Variants in TTC6 observed in about 807,000 individuals in gnomAD.
The protein encoded by TTC6 is tetratricopeptide repeat domain 6, also known as tetratricopeptide repeat protein 6.
Under a neutral mutation model 210.4 loss-of-function variants are expected in TTC6, and 172 were observed. That is an observed-to-expected ratio of 0.82 (90% CI 0.72 to 0.93). TTC6 has a LOEUF of 0.93. Among genes scored for constraint, TTC6 ranks in the 40% least tolerant of loss-of-function variants. The probability of loss-of-function intolerance (pLI) is 0.00; values close to 1 mark genes in which losing one functional copy is unlikely to be tolerated. For missense variants in TTC6, 2,414 were observed against 2,318.1 expected, an observed-to-expected ratio of 1.04 and a Z score of -0.85; for synonymous variants, 804 against 819.6, an observed-to-expected ratio of 0.98 and a Z score of 0.32.
chr14:37,836,148 C>T (rs1334801710), intron 29 of TTC6, among the ~76,000 whole-genome samples: 2 of 152,200 alleles, frequency 1.3e-5, no homozygotes, highest in Non-Finnish European at 2.9e-5. Flanking sequence ...TCTCTCAATT[C>T]GAGTTGTCAT....
chr14:37,708,822 G>A (rs908142579), intron 5 of TTC6, among the ~76,000 whole-genome samples: 1 of 152,042 alleles, frequency 6.6e-6, no homozygotes, highest in African/African-American at 2.4e-5. Context: ...TGAAAATCCT[G>A]TTTTGATTCT....
At chr14:37,842,372 T>A (rs2096212188) in exon 31 of TTC6, 2 of 1,281,560 alleles carry the variant, frequency 1.6e-6, no homozygotes, top group African/African-American at 3.0e-5. Context: ...TAAAAGGTTC[T>A]ACCATTTTCA....
At chr14:37,763,105 G>A (rs1207560202) in intron 14 of TTC6, among the ~76,000 whole-genome samples, 1 of 151,490 alleles carries the variant, frequency 6.6e-6, no homozygotes, top group East Asian at 1.9e-4. Flanking sequence ...AGCCAGGATG[G>A]TCTCAATCTC....
intron 14 of TTC6, among the ~76,000 whole-genome samples, chr14:37,756,813 T>G (rs1391820466): frequency 1.3e-5 from 2 of 152,192 alleles, no homozygotes; most frequent in Non-Finnish European, 2.9e-5. Flanking sequence ...ATTTTCTTTT[T>G]TTTTGTTGTG....
intron 6 of TTC6, 67 bp downstream of exon 8, chr14:37,714,863 G>T (rs1262245781): frequency 7.0e-7 from 1 of 1,438,104 alleles, no homozygotes; most frequent in South Asian, 1.3e-5. Flanking sequence ...GGCTTCAGGA[G>T]ACTTTTTTCA....
intron 2 of TTC6, among the ~76,000 whole-genome samples, chr14:37,609,729 A>G (rs1291474019): frequency 1.3e-5 from 2 of 152,230 alleles, no homozygotes; most frequent in East Asian, 3.8e-4. Flanking sequence ...CAGTTTAGGA[A>G]CATGGCATGT....
chr14:37,730,445 C>G (rs1254909907), intron 7 of TTC6, among the ~76,000 whole-genome samples: 1 of 152,126 alleles, frequency 6.6e-6, no homozygotes, highest in Admixed American at 6.6e-5. Context: ...TCACTTTACT[C>G]CCATCTGCCA....
intron 1 of TTC6, 48 bp downstream of exon 3, chr14:37,623,051 G>C (rs72674261): frequency 7.4e-7 from 1 of 1,344,050 alleles, no homozygotes; most frequent in Non-Finnish European, 9.8e-7. Flanking sequence ...TGCAATTTGG[G>C]TTACATTACA....
At chr14:37,838,331 A>G (rs187500799) in intron 29 of TTC6, among the ~76,000 whole-genome samples, 1 of 152,180 alleles carries the variant, frequency 6.6e-6, no homozygotes, top group Non-Finnish European at 1.5e-5. Context: ...AAGTGCTGGG[A>G]TGTCATAGCC....
At chr14:37,732,375 G>A (rs1371751771) in intron 7 of TTC6, among the ~76,000 whole-genome samples, 1 of 151,030 alleles carries the variant, frequency 6.6e-6, no homozygotes, top group Non-Finnish European at 1.5e-5. Flanking sequence ...AGTACAGATG[G>A]GGTTTCACCG....
At chr14:37,644,609 G>A (rs2095698272) in intron 1 of TTC6, among the ~76,000 whole-genome samples, 3 of 152,176 alleles carry the variant, frequency 2.0e-5, no homozygotes, top group Admixed American at 2.0e-4. Context: ...AAGAAATAAC[G>A]AGGTAGTTTC....
At chr14:37,827,285 T>G (rs546518744) in exon 29 of TTC6, 1 of 1,612,586 alleles carries the variant, frequency 6.2e-7, no homozygotes, top group South Asian at 1.1e-5. Context: ...ACTACCAAGA[T>G]GCAATTACTC....
chr14:37,730,006 G>A (rs549418717), intron 7 of TTC6, among the ~76,000 whole-genome samples: 3 of 152,182 alleles, frequency 2.0e-5, no homozygotes, highest in East Asian at 3.9e-4. Flanking sequence ...CAGTACTGGT[G>A]GTTGTCCACT....
At chr14:37,632,780 G>A (rs764631912) in intron 1 of TTC6, among the ~76,000 whole-genome samples, 4 of 152,218 alleles carry the variant, frequency 2.6e-5, no homozygotes, top group Non-Finnish European at 5.9e-5. Flanking sequence ...TAAGCCATGA[G>A]TGGGGCTCCT....
intron 27 of TTC6, among the ~76,000 whole-genome samples, chr14:37,825,407 G>T (rs2096168489): frequency 6.6e-6 from 1 of 152,044 alleles, no homozygotes; most frequent in Non-Finnish European, 1.5e-5. Context: ...TTTTATATGA[G>T]AGTCCCTAGG....
chr14:37,690,110 C>CTT (rs1401643669), intron 3 of TTC6, among the ~76,000 whole-genome samples: 3 of 151,804 alleles, frequency 2.0e-5, no homozygotes, highest in African/African-American at 7.3e-5. Flanking sequence ...TTCTTTTCTG[C>CTT]TTGCTTGTTT....
chr14:37,801,838 T>C (rs551564057), intron 20 of TTC6, among the ~76,000 whole-genome samples: 2 of 152,336 alleles, frequency 1.3e-5, no homozygotes, highest in South Asian at 4.1e-4. Context: ...GGTTTGGCGA[T>C]TCCTCAAAGA....
chr14:37,779,568 C>T (rs1295958360), intron 14 of TTC6, among the ~76,000 whole-genome samples: 2 of 152,132 alleles, frequency 1.3e-5, no homozygotes, highest in African/African-American at 4.8e-5. Context: ...AGTGTTCCAT[C>T]TTTTCTTAGA....
At chr14:37,653,910 A>C (rs879743735) in intron 1 of TTC6, among the ~76,000 whole-genome samples, 1 of 152,232 alleles carries the variant, frequency 6.6e-6, no homozygotes, top group Non-Finnish European at 1.5e-5. Context: ...ACAAGAATAA[A>C]TAACCATCTT....
Sources: allele counts gnomAD v4.1 joint callset (sites outside exome capture counted in the v4.1 genomes callset), GRCh38; gene constraint gnomAD v4.1.1; transcripts MANE v1.5; gene names NCBI Gene and HGNC (gene_info 2026-07-23, HGNC 2026-07-21).